GULP1: variants seen among roughly 807,000 people sequenced by gnomAD.
GULP1 encodes the protein PTB domain-containing engulfment adapter protein 1.
A neutral mutation model predicts 40.9 loss-of-function variants in GULP1; 19 were observed. The observed-to-expected ratio is 0.46, with a 90% CI of 0.32 to 0.68. The LOEUF (loss-of-function observed/expected upper bound fraction) is 0.68, where lower values mean the gene tolerates loss of function less well. Ranked by LOEUF, GULP1 falls within the 30% of genes least tolerant of loss-of-function variation. The pLI, the probability that GULP1 is intolerant of heterozygous loss-of-function variation, is 0.03. For missense variants in GULP1, 312 were observed against 362.2 expected (o/e 0.86, Z 1.12); for synonymous variants, 119 against 117.6 (o/e 1.01, Z -0.08).
intron 2 of GULP1, among the ~76,000 whole-genome samples, chr2:188,454,676 A>C (rs908275615): frequency 6.6e-6 from 1 of 152,222 alleles, no homozygotes. Context: ...GAAAAGGATG[A>C]GGAAATCCAA....
At chr2:188,315,289 ATTG>A (rs1300011505) in intron 1 of GULP1, among the ~76,000 whole-genome samples, 1 of 152,118 alleles carries the variant, frequency 6.6e-6, no homozygotes, top group Admixed American at 6.6e-5. Context: ...TATATTAGTT[ATTG>A]TTAATCTCTT....
rs1172217868 is a variant in GULP1 at position 188,303,995 on chromosome 2, T to A, written c.-172+11829T>A. ...CCCCTCTGCCCTTACAGAATAGGAGTACCCTCTGGCGACCTTTGCTTGTTT... is the reference window on the plus strand; with the variant it reads ...CCCCTCTGCCCTTACAGAATAGGAGAACCCTCTGGCGACCTTTGCTTGTTT... On this transcript the variant is annotated intron_variant, in intron 1 of 11. Coordinates refer to ENST00000409830, the MANE Select transcript of GULP1 (RefSeq NM_016315.4). Among the ~76,000 whole-genome samples the A allele has an allele frequency of 3.9e-5, 6 of 152,094 alleles. No homozygotes were observed. In the East Asian group the frequency reaches 1.2e-3, roughly 29 times the overall value.
At chr2:188,426,823 G>A (rs889862067) in intron 2 of GULP1, among the ~76,000 whole-genome samples, 6 of 152,180 alleles carry the variant, frequency 3.9e-5, no homozygotes, top group African/African-American at 1.4e-4. Context: ...ACTGGGTCAT[G>A]GGCAGAGGTT....
At chr2:188,399,678 CT>C (rs2051834186) in intron 2 of GULP1, among the ~76,000 whole-genome samples, 2 of 117,016 alleles carry the variant, frequency 1.7e-5, no homozygotes, top group Non-Finnish European at 3.3e-5. Context: ...ACATAGACCC[CT>C]GTCCCTACAA....
At chr2:188,452,136 T>C (rs1353550430) in intron 2 of GULP1, among the ~76,000 whole-genome samples, 9 of 152,238 alleles carry the variant, frequency 5.9e-5, no homozygotes, top group African/African-American at 2.2e-4. Context: ...ACCAGTCTTG[T>C]TATTCCCGGA....
chr2:188,453,726 A>G (rs976559757), intron 2 of GULP1, among the ~76,000 whole-genome samples: 2 of 152,192 alleles, frequency 1.3e-5, no homozygotes, highest in Non-Finnish European at 2.9e-5. Context: ...GATTGCCCTT[A>G]CTCAACCTCA....
chr2:188,519,738 A>G (rs940014272), intron 4 of GULP1, among the ~76,000 whole-genome samples: 2 of 152,140 alleles, frequency 1.3e-5, no homozygotes, highest in South Asian at 4.1e-4. Context: ...AGATGGCCTG[A>G]CTCTGACCCA....
In GULP1 at chr2:188,466,291, T is replaced by TC. The variant is rs1321525912; in HGVS notation, c.-44-11368_-44-11367insC. On this transcript the variant is annotated intron_variant, in intron 2 of 11. Transcript: ENST00000409830. The stretch of plus-strand genomic sequence containing the variant: ...TTTGACCTCAGTGGCTGGTTTTTTT[T>TC]TCCCCCCCCGGAGTCTTGCTCTGTC... Among the ~76,000 whole-genome samples the TC allele has an allele frequency of 3.2e-3, 475 of 147,518 alleles. 3 individuals carry two copies. The highest frequency in any genetic ancestry group is 0.012 in the African/African-American group (442 of 37,400).
chr2:188,317,733 A>C (rs2039321911), intron 1 of GULP1, among the ~76,000 whole-genome samples: 1 of 151,882 alleles, frequency 6.6e-6, no homozygotes, highest in Non-Finnish European at 1.5e-5. Context: ...CTTAATCATG[A>C]CTATATAACT....
intron 7 of GULP1, among the ~76,000 whole-genome samples, chr2:188,556,065 AAAAAG>A (rs1694674058): frequency 6.8e-6 from 1 of 147,374 alleles, no homozygotes; most frequent in Non-Finnish European, 1.5e-5. Flanking sequence ...CTCAAAAAAA[AAAAAG>A]AAAAAGAAAA....
chr2:188,593,520 G>T (rs1403824229), intron 11 of GULP1: 1 of 152,760 alleles, frequency 6.5e-6, no homozygotes, highest in African/African-American at 2.4e-5. Context: ...GTGCTAACCA[G>T]GAATAAGGTG....
intron 4 of GULP1, among the ~76,000 whole-genome samples, chr2:188,496,252 A>C (rs2062884674): frequency 6.6e-6 from 1 of 151,992 alleles, no homozygotes; most frequent in Non-Finnish European, 1.5e-5. Flanking sequence ...CTATAATCCT[A>C]AATAATTAAA....
intron 2 of GULP1, among the ~76,000 whole-genome samples, chr2:188,447,347 G>T (rs2058477822): frequency 6.6e-6 from 1 of 152,198 alleles, no homozygotes. Context: ...CAGCCCCCAT[G>T]ATGGCATGAA....
At chr2:188,527,995 A>G (rs1295362520) in intron 5 of GULP1, among the ~76,000 whole-genome samples, 1 of 152,178 alleles carries the variant, frequency 6.6e-6, no homozygotes, top group Non-Finnish European at 1.5e-5. Context: ...CTAGAGAGAA[A>G]AAGTTACTCT....
intron 2 of GULP1, among the ~76,000 whole-genome samples, chr2:188,456,403 C>A (rs1421211368): frequency 6.6e-6 from 1 of 152,170 alleles, no homozygotes; most frequent in Non-Finnish European, 1.5e-5. Flanking sequence ...TCCATCCCAG[C>A]CGCTCCGCCA....
At chr2:188,575,731 C>T (rs1203565444) in intron 9 of GULP1, among the ~76,000 whole-genome samples, 1 of 141,926 alleles carries the variant, frequency 7.0e-6, no homozygotes, top group Non-Finnish European at 1.5e-5. Context: ...GATAAGCCTT[C>T]ACAGGCAATG....
At chr2:188,396,018 A>T (rs1235937188) in intron 2 of GULP1, among the ~76,000 whole-genome samples, 1 of 152,200 alleles carries the variant, frequency 6.6e-6, no homozygotes, top group Non-Finnish European at 1.5e-5. Context: ...CAACAGTGAC[A>T]GCTGAGGTCA....
intron 1 of GULP1, among the ~76,000 whole-genome samples, chr2:188,348,129 A>T (rs993601483): frequency 1.3e-5 from 2 of 152,220 alleles, no homozygotes; most frequent in Non-Finnish European, 2.9e-5. Flanking sequence ...GCAATTGAAA[A>T]ACGTGTTATT....
intron 1 of GULP1, among the ~76,000 whole-genome samples, chr2:188,319,537 C>A (rs1345274623): frequency 6.6e-6 from 1 of 152,172 alleles, no homozygotes; most frequent in African/African-American, 2.4e-5. Flanking sequence ...TTGGACAAAT[C>A]TACCCAACTA....
Sources: gnomAD v4.1 joint callset for allele counts (sites outside exome capture counted in the v4.1 genomes callset) on GRCh38, gnomAD v4.1.1 for gene constraint, MANE v1.5 for transcripts, NCBI Gene and HGNC (gene_info 2026-07-23, HGNC 2026-07-21) for gene names.